Variants in PRKACB observed in about 807,000 individuals in gnomAD.
PRKACB encodes the protein protein kinase cAMP-activated catalytic subunit beta, also known as cAMP-dependent protein kinase catalytic subunit beta.
Under a neutral mutation model 51.4 loss-of-function variants are expected in PRKACB, and 16 were observed. That is an observed-to-expected ratio of 0.31 (90% CI 0.21 to 0.47). PRKACB has a LOEUF of 0.47. Among genes scored for constraint, PRKACB ranks in the 20% least tolerant of loss-of-function variants. The pLI is 1.00. For synonymous variants in PRKACB, 147 were observed against 154.4 expected (o/e 0.95, Z 0.35); for missense variants, 309 against 464.5 (o/e 0.67, Z 3.08).
chr1:84,134,810 AGTT>A (rs1047087362), intron 1 of PRKACB, among the ~76,000 whole-genome samples: 4 of 152,192 alleles, frequency 2.6e-5, no homozygotes, highest in South Asian at 2.1e-4. Context: ...AACGAAACTT[AGTT>A]TAGAAAAGCA....
intron 1 of PRKACB, chr1:84,173,348 A>G: frequency 1.9e-6 from 3 of 1,574,350 alleles, no homozygotes; most frequent in Non-Finnish European, 2.6e-6. Flanking sequence ...CATCAGATGC[A>G]TCTGGTAGGA....
intron 1 of PRKACB, among the ~76,000 whole-genome samples, chr1:84,080,691 T>C (rs1199936169): frequency 1.3e-5 from 2 of 152,218 alleles, no homozygotes; most frequent in Admixed American, 6.5e-5. Flanking sequence ...GTGTATTTTT[T>C]AAAGAATTAT....
intron 1 of PRKACB, among the ~76,000 whole-genome samples, chr1:84,156,966 C>T (rs1299844511): frequency 6.6e-6 from 1 of 152,162 alleles, no homozygotes; most frequent in African/African-American, 2.4e-5. Context: ...TACAATGTCT[C>T]TACTTTTCAG....
chr1:84,148,419 G>A (rs931458346), intron 1 of PRKACB, among the ~76,000 whole-genome samples: 2 of 151,446 alleles, frequency 1.3e-5, no homozygotes, highest in African/African-American at 4.8e-5. Context: ...TATTTAAAAT[G>A]CATTACTATT....
At chr1:84,107,889 A>G (rs937834487) in intron 1 of PRKACB, among the ~76,000 whole-genome samples, 1 of 152,146 alleles carries the variant, frequency 6.6e-6, no homozygotes. Context: ...GTGGAGTGTA[A>G]ATTAGTTCAA....
intron 5 of PRKACB, among the ~76,000 whole-genome samples, chr1:84,186,304 TG>T (rs1367517409): frequency 1.3e-5 from 2 of 152,076 alleles, no homozygotes; most frequent in Non-Finnish European, 2.9e-5. Flanking sequence ...CTGCAACCTC[TG>T]CCTCCTGGGT....
intron 2 of PRKACB, among the ~76,000 whole-genome samples, chr1:84,179,583 G>A (rs2037454): frequency 0.46 from 69,135 of 151,284 alleles, 16,856 homozygotes; most frequent in Non-Finnish European, 0.56. Context: ...GAGTCCTTAC[G>A]TACAGTTTAA....
chr1:84,217,815 C>T (rs545351996), intron 9 of PRKACB, among the ~76,000 whole-genome samples: 1 of 152,190 alleles, frequency 6.6e-6, no homozygotes, highest in East Asian at 1.9e-4. Flanking sequence ...AAAAACCCTA[C>T]TCCACAATAA....
Position 84,132,537 on chromosome 1 carries a change from G to A in PRKACB, c.47-46640G>A, listed in dbSNP as rs1205142869. On this transcript the variant is annotated intron_variant, in intron 1 of 8. Coordinates refer to the PRKACB transcript ENST00000370688. ...AAAACAGTCTGTAGAGATAAAGCAG[G>A]AATCAGAACCAGACTCAGATGTTAC... is the stretch of plus-strand genomic sequence containing the variant. 2.0e-5 allele frequency among the ~76,000 whole-genome samples: 3 copies of A among 152,176 alleles called. No homozygotes were observed. The South Asian group carries it at 6.2e-4, about 32-fold the overall frequency.
intron 1 of PRKACB, among the ~76,000 whole-genome samples, chr1:84,158,096 A>G (rs1343610493): frequency 1.3e-5 from 2 of 151,756 alleles, no homozygotes; most frequent in African/African-American, 4.8e-5. Flanking sequence ...CCCCTCCTGA[A>G]ACAAAGTCTC....
rs41301164 is a variant in PRKACB, at chr1:84,202,292, C to G, written c.784-391C>G. Reference sequence around the variant, plus strand: ...AAAACTTTTGATCTTTCTAGGCATGCTGTGGAAAATCTGTTTCATAAGATT... The same window carrying G: ...AAAACTTTTGATCTTTCTAGGCATGGTGTGGAAAATCTGTTTCATAAGATT... On this transcript the variant is annotated intron_variant, in intron 7 of 9. Transcript: ENST00000370685. Among the ~76,000 whole-genome samples, 1,372 of 152,084 alleles carry G rather than the reference C, an allele frequency of 9.0e-3. 26 individuals are homozygous for G. The highest frequency in any genetic ancestry group is 0.03 in the African/African-American group (1,265 of 41,528).
At chr1:84,118,500 C>G (rs1650807559) in intron 1 of PRKACB, among the ~76,000 whole-genome samples, 1 of 151,804 alleles carries the variant, frequency 6.6e-6, no homozygotes, top group Non-Finnish European at 1.5e-5. Context: ...TCCAAAATAT[C>G]AATAATAGTA....
At chr1:84,095,726 G>A (rs765803522) in intron 1 of PRKACB, among the ~76,000 whole-genome samples, 9 of 151,494 alleles carry the variant, frequency 5.9e-5, no homozygotes, top group African/African-American at 1.7e-4. Context: ...CCTCTATCCC[G>A]TCTTTTCTTT....
intron 1 of PRKACB, among the ~76,000 whole-genome samples, chr1:84,079,036 T>G (rs1321049570): frequency 6.6e-6 from 1 of 152,204 alleles, no homozygotes; most frequent in Non-Finnish European, 1.5e-5. Flanking sequence ...GGAGTTGAAG[T>G]GCTTCCAGAA....
upstream of PRKACB, among the ~76,000 whole-genome samples, chr1:84,139,597 T>C (rs1252006773): frequency 6.6e-6 from 1 of 152,180 alleles, no homozygotes; most frequent in Non-Finnish European, 1.5e-5. Context: ...TGAAGAGACA[T>C]GCTATGATTA....
intron 1 of PRKACB, among the ~76,000 whole-genome samples, chr1:84,131,181 AC>A (rs1276275883): frequency 6.6e-6 from 1 of 151,814 alleles, no homozygotes; most frequent in Non-Finnish European, 1.5e-5. Context: ...ACATGGAGAG[AC>A]CTCCCTCTCT....
At chr1:84,221,285 T>C (rs1572526089) in intron 9 of PRKACB, among the ~76,000 whole-genome samples, 2 of 152,118 alleles carry the variant, frequency 1.3e-5, no homozygotes, top group Admixed American at 6.5e-5. Flanking sequence ...GTGGTGTCAG[T>C]TGTAAAATAT....
chr1:84,179,978 A>G (rs1025906985), intron 2 of PRKACB, among the ~76,000 whole-genome samples: 2 of 141,044 alleles, frequency 1.4e-5, no homozygotes, highest in African/African-American at 5.2e-5. Context: ...CCGGTGTGTG[A>G]TGTTCCCCTC....
At chr1:84,220,936 A>G (rs1457614556) in intron 9 of PRKACB, among the ~76,000 whole-genome samples, 1 of 152,136 alleles carries the variant, frequency 6.6e-6, no homozygotes, top group Non-Finnish European at 1.5e-5. Context: ...GTTTTGTATC[A>G]GAGTACTGCT....
Sources: gnomAD v4.1 joint callset for allele counts (sites outside exome capture counted in the v4.1 genomes callset) on GRCh38, gnomAD v4.1.1 for gene constraint, MANE v1.5 for transcripts, NCBI Gene and HGNC (gene_info 2026-07-23, HGNC 2026-07-21) for gene names.